Variants in AGO3 observed in about 807,000 individuals in gnomAD.
AGO3 encodes protein argonaute-3.
AGO3 carries 16 observed loss-of-function variants against 105.5 expected under a neutral mutation model. The ratio of observed to expected loss-of-function variants is 0.15; its 90% CI spans 0.10 to 0.23. The LOEUF is 0.23. Among genes scored for constraint, AGO3 ranks in the 10% least tolerant of loss-of-function variants. The pLI is 1.00. For missense variants in AGO3, 534 were observed against 1,088.0 expected, an observed-to-expected ratio of 0.49 and a Z score of 7.16; for synonymous variants, 340 against 367.3, an observed-to-expected ratio of 0.93 and a Z score of 0.85.
chr1:36,043,976 G>A (rs995042043), intron 17 of AGO3, among the ~76,000 whole-genome samples: 3 of 152,136 alleles, frequency 2.0e-5, no homozygotes, highest in East Asian at 1.9e-4. Context: ...GGGACAACAG[G>A]CCTCCACACT....
intron 2 of AGO3, among the ~76,000 whole-genome samples, chr1:35,959,379 T>G (rs969090808): frequency 1.9e-4 from 29 of 152,164 alleles, no homozygotes; most frequent in African/African-American, 6.3e-4. Context: ...GATTCTTAAA[T>G]TCTCACGTGA....
At chr1:36,025,290 T>G (rs886980589) in intron 11 of AGO3, among the ~76,000 whole-genome samples, 4 of 152,092 alleles carry the variant, frequency 2.6e-5, no homozygotes, top group African/African-American at 9.7e-5. Flanking sequence ...ATGGATGCTT[T>G]AATGATCACT....
At chr1:35,966,870 A>T in intron 2 of AGO3, 85 bp from the exon 3 acceptor site, 2 of 1,449,522 alleles carry the variant, frequency 1.4e-6, no homozygotes, top group Non-Finnish European at 9.2e-7. Flanking sequence ...TGACAGCTTT[A>T]TACAGTGGCA....
rs982934585 is a variant in AGO3, at chr1:35,973,382, C to G, written c.529C>G (p.Pro177Ala). 1 of 1,571,656 alleles carries G rather than the reference C, an allele frequency of 6.4e-7. No homozygotes were observed. The highest frequency in any genetic ancestry group is 8.7e-7 in the Non-Finnish European group (1 of 1,154,732). Residue 177 changes from proline (P) to alanine (A), a missense_variant, in exon 5 of 19, where the codon CCT becomes GCT. Transcript: ENST00000373191. ...CCATTTTAATTTTTGTAGATACACA[C>G]CTGTGGGGCGTTCATTTTTCTCCGC... ...LRHLPSMKYT[P>A]VGRSFFSAPE... is the part of the protein sequence containing the mutation.
intron 1 of AGO3, among the ~76,000 whole-genome samples, chr1:35,939,519 G>C (rs1359879178): frequency 1.3e-5 from 2 of 152,126 alleles, no homozygotes; most frequent in African/African-American, 4.8e-5. Flanking sequence ...TGATAGTAGG[G>C]TGTCTGTGTG....
intron 11 of AGO3, among the ~76,000 whole-genome samples, chr1:36,015,004 GTGGACA>G (rs1159653516): frequency 6.6e-6 from 1 of 152,088 alleles, no homozygotes; most frequent in Non-Finnish European, 1.5e-5. Flanking sequence ...CAGTTCTGCA[GTGGACA>G]CCAGCTGGGT....
intron 2 of AGO3, among the ~76,000 whole-genome samples, chr1:35,957,299 T>G (rs1250227849): frequency 6.6e-6 from 1 of 151,972 alleles, no homozygotes; most frequent in Admixed American, 6.6e-5. Flanking sequence ...AAGGTTGCAG[T>G]GAGCTGAGAT....
chr1:36,062,799 G>A lies in AGO3; in HGVS notation c.*7054G>A, dbSNP rs1300920831. 6.6e-6 allele frequency: 1 copy of A among 152,164 alleles called. No individual in the cohort carries two copies. Among genetic ancestry groups the A allele is most frequent in the Non-Finnish European group, 1.5e-5 (1 of 68,026 alleles). The allele number at this position is 152,164 out of a possible 1,614,324, so 9.4% of individuals were successfully genotyped here. On this transcript the variant is annotated 3_prime_UTR_variant, in exon 19 of 19. Transcript: ENST00000373191. The stretch of plus-strand genomic sequence containing the variant: ...ATACCACACCTCAGTAACCTTGTAT[G>A]CTGCATTATATAATAATGATAGTAA...
At chr1:36,026,017 G>A (rs1224269926) in intron 11 of AGO3, among the ~76,000 whole-genome samples, 1 of 151,882 alleles carries the variant, frequency 6.6e-6, no homozygotes, top group Non-Finnish European at 1.5e-5. Flanking sequence ...CTCCAGCCTG[G>A]GCAACAGAGT....
intron 17 of AGO3, among the ~76,000 whole-genome samples, chr1:36,049,683 A>G (rs1003085620): frequency 6.6e-6 from 1 of 152,194 alleles, no homozygotes; most frequent in African/African-American, 2.4e-5. Flanking sequence ...CTGTAAAGAC[A>G]CATATAAACT....
intron 11 of AGO3, among the ~76,000 whole-genome samples, chr1:36,026,246 C>A (rs892452003): frequency 6.6e-6 from 1 of 151,766 alleles, no homozygotes; most frequent in African/African-American, 2.4e-5. Context: ...GGAGCAGGGA[C>A]TACAGGTGCC....
intron 17 of AGO3, among the ~76,000 whole-genome samples, chr1:36,054,428 A>G (rs930002483): frequency 2.0e-5 from 3 of 151,782 alleles, no homozygotes; most frequent in Admixed American, 6.6e-5. Flanking sequence ...GCATGCCACC[A>G]CATCTGGCTA....
chr1:35,968,131 G>A (rs896254637), intron 3 of AGO3, among the ~76,000 whole-genome samples: 5 of 152,062 alleles, frequency 3.3e-5, no homozygotes, highest in Admixed American at 3.3e-4. Context: ...GTATGTATTT[G>A]TTCCATTATT....
At chr1:35,945,948 T>A in intron 2 of AGO3, 85 bp downstream of exon 2, 1 of 1,369,360 alleles carries the variant, frequency 7.3e-7, no homozygotes, top group Non-Finnish European at 1.0e-6. Flanking sequence ...TGAATAACAA[T>A]TACAATGTGT....
intron 5 of AGO3, chr1:35,992,169 G>A (rs1647728303): frequency 6.6e-6 from 1 of 152,192 alleles, no homozygotes; most frequent in Non-Finnish European, 1.5e-5. Flanking sequence ...CTAGCTGGGG[G>A]AACTTCTGTA....
intron 2 of AGO3, among the ~76,000 whole-genome samples, chr1:35,948,785 A>G (rs1646416135): frequency 6.6e-6 from 1 of 152,158 alleles, no homozygotes; most frequent in South Asian, 2.1e-4. Flanking sequence ...TAATTACATT[A>G]CATCTTTAGG....
At position 36,055,655 on chromosome 1, in the gene AGO3, T is replaced by G. The variant is rs1284370618; in HGVS notation, c.2493T>G (p.Val831=). 3.7e-6 allele frequency: 6 copies of G among 1,614,216 alleles called. No homozygotes were observed. The highest frequency in any genetic ancestry group is 5.1e-6 in the Non-Finnish European group (6 of 1,180,036). ...CTTACAGTGCTGAAGGAAGTCACGT[T>G]TCAGGACAAAGCAATGGGCGAGATC... The part of the protein sequence containing the change: ...KEHDSAEGSH[V]SGQSNGRDPQ... Residue 831 remains valine, a synonymous_variant, in exon 19 of 19, where the codon GTT becomes GTG. Transcript: ENST00000373191. The surrounding 1 kb of genome is among the most constrained non-coding windows in gnomAD (Gnocchi z 4.4).
At chr1:36,050,914 C>T (rs1007967104) in intron 17 of AGO3, among the ~76,000 whole-genome samples, 12 of 152,034 alleles carry the variant, frequency 7.9e-5, no homozygotes, top group African/African-American at 2.9e-4. Flanking sequence ...GGAACCTTCG[C>T]CTCCTGGGCT....
chr1:35,947,159 C>A (rs12041193), intron 2 of AGO3, among the ~76,000 whole-genome samples: 1 of 151,698 alleles, frequency 6.6e-6, no homozygotes, highest in Non-Finnish European at 1.5e-5. Flanking sequence ...AAAAGCATAA[C>A]GGTTGAGAAG....
Sources: gnomAD v4.1 joint callset for allele counts (sites outside exome capture counted in the v4.1 genomes callset) on GRCh38, gnomAD v4.1.1 for gene constraint, Gnocchi (gnomAD v3.1) non-coding constraint, MANE v1.5 for transcripts, NCBI Gene and HGNC (gene_info 2026-07-23, HGNC 2026-07-21) for gene names.